Variants in RNF152 observed in about 807,000 individuals in gnomAD.
RNF152 encodes E3 ubiquitin-protein ligase RNF152.
Under a neutral mutation model 12.7 loss-of-function variants are expected in RNF152, and 11 were observed. That is an observed-to-expected ratio of 0.86 (90% CI 0.54 to 1.43). The LOEUF is 1.43. RNF152 is among the 40% of genes most tolerant of loss of function. The probability of loss-of-function intolerance (pLI) is 0.00; values close to 1 mark genes in which losing one functional copy is unlikely to be tolerated. For synonymous variants in RNF152, 113 were observed against 120.3 expected (o/e 0.94, Z 0.40); for missense variants, 255 against 274.8 (o/e 0.93, Z 0.51).
At chr18:61,867,798 T>C (rs1272185912) in intron 1 of RNF152, among the ~76,000 whole-genome samples, 1 of 152,172 alleles carries the variant, frequency 6.6e-6, no homozygotes, top group Non-Finnish European at 1.5e-5. Context: ...ACAGTAATCA[T>C]TTAAAATGTA....
At position 61,820,404 on chromosome 18, in the gene RNF152, AT is replaced by A. The variant is rs1017053166; in HGVS notation, c.-135-3807del. On this transcript the variant is annotated intron_variant, in intron 1 of 1. Coordinates refer to ENST00000312828, the MANE Select transcript of RNF152 (RefSeq NM_173557.3). Reference sequence around the variant, plus strand: ...TATAATTTTATATCCAAGGTAATACATTTTTTTTTCTTAAAACAAAACAAAA... The same window carrying A: ...TATAATTTTATATCCAAGGTAATACATTTTTTTTCTTAAAACAAAACAAAA... 4.7e-5 allele frequency among the ~76,000 whole-genome samples: 7 copies of A among 149,970 alleles called. No individual in the cohort carries two copies. The East Asian group carries it at 5.8e-4, about 12-fold the overall frequency.
intron 1 of RNF152, among the ~76,000 whole-genome samples, chr18:61,844,176 AGAGAGGAAGGAAGGAAG>A (rs781277366): frequency 3.1e-5 from 2 of 64,072 alleles, no homozygotes; most frequent in Non-Finnish European, 9.5e-5. Context: ...GAAGGGAGGA[AGAGAGGAAGGAAGGAAG>A]GGAAGGAGGG....
At chr18:61,830,286 A>G (rs1215703828) in intron 1 of RNF152, among the ~76,000 whole-genome samples, 2 of 152,048 alleles carry the variant, frequency 1.3e-5, no homozygotes, top group Non-Finnish European at 2.9e-5. Context: ...TCGTCCTCCC[A>G]AAGTGCTGGG....
intron 1 of RNF152, among the ~76,000 whole-genome samples, chr18:61,867,133 A>T (rs1441815129): frequency 1.3e-5 from 2 of 152,104 alleles, no homozygotes; most frequent in Admixed American, 6.6e-5. Context: ...AGAGGTGGGA[A>T]CTCAAGAGTT....
rs2144602454 is a variant in RNF152 at position 61,812,981 on chromosome 18, T to A, written c.*2871A>T. ...AGCAAGAAGACACTGCAGTGCGAAG[T>A]TCATATCCCCCCCTTTCTGCAGAAT... On this transcript the variant is annotated 3_prime_UTR_variant, in exon 2 of 2. Transcript: ENST00000312828. 1 of 152,092 alleles carries A rather than the reference T, an allele frequency of 6.6e-6. No homozygotes were observed. Among genetic ancestry groups the A allele is most frequent in the African/African-American group, 2.4e-5 (1 of 41,474 alleles). The allele number at this position is 152,092 out of a possible 1,614,324, so 9.4% of individuals were successfully genotyped here.
chr18:61,881,868 T>G (rs781261831), intron 1 of RNF152, among the ~76,000 whole-genome samples: 13 of 152,256 alleles, frequency 8.5e-5, no homozygotes, highest in Non-Finnish European at 1.8e-4. Flanking sequence ...CATTTTTCCT[T>G]GTTAATTAAC....
chr18:61,834,697 G>A (rs538913573), intron 1 of RNF152, among the ~76,000 whole-genome samples: 1 of 152,212 alleles, frequency 6.6e-6, no homozygotes, highest in South Asian at 2.1e-4. Context: ...AAAAAATTAA[G>A]CATATCTGGC....
chr18:61,847,972 G>C (rs981662073), intron 1 of RNF152, among the ~76,000 whole-genome samples: 1 of 152,000 alleles, frequency 6.6e-6, no homozygotes, highest in Admixed American at 6.6e-5. Context: ...GCTTCCCTTC[G>C]TGTGATTATT....
At chr18:61,848,962 C>T (rs111843195) in intron 1 of RNF152, among the ~76,000 whole-genome samples, 3,034 of 152,244 alleles carry the variant, frequency 0.02, 52 homozygotes, top group Admixed American at 0.037. Flanking sequence ...ACCAATAGCC[C>T]GTGGAGATCC....
intron 1 of RNF152, among the ~76,000 whole-genome samples, chr18:61,867,830 T>C (rs1467026873): frequency 6.6e-6 from 1 of 152,158 alleles, no homozygotes; most frequent in East Asian, 1.9e-4. Context: ...TTAAATCCTA[T>C]AAAATGGCCA....
chr18:61,841,818 C>A (rs1910467648), intron 1 of RNF152, among the ~76,000 whole-genome samples: 1 of 152,196 alleles, frequency 6.6e-6, no homozygotes, highest in South Asian at 2.1e-4. Flanking sequence ...AGTGGCAAGG[C>A]TGTAGAACAT....
chr18:61,841,012 G>A (rs1265282743), intron 1 of RNF152, among the ~76,000 whole-genome samples: 1 of 152,130 alleles, frequency 6.6e-6, no homozygotes, highest in African/African-American at 2.4e-5. Flanking sequence ...AAATTATCTG[G>A]TTCCTACCAC....
chr18:61,864,813 G>A (rs1389912044), intron 1 of RNF152, among the ~76,000 whole-genome samples: 6 of 152,184 alleles, frequency 3.9e-5, no homozygotes. Context: ...ATCACCTGAG[G>A]TCTGAGACCA....
intron 1 of RNF152, among the ~76,000 whole-genome samples, chr18:61,818,756 G>A (rs1183188202): frequency 1.3e-5 from 2 of 152,260 alleles, no homozygotes; most frequent in African/African-American, 2.4e-5. Context: ...AGGAACACAC[G>A]AATATATTTT....
chr18:61,883,436 G>A (rs528860933), intron 1 of RNF152, among the ~76,000 whole-genome samples: 22 of 152,160 alleles, frequency 1.4e-4, no homozygotes, highest in Admixed American at 1.2e-3. Flanking sequence ...TAAATAAAGG[G>A]GTTGACAAGG....
At chr18:61,833,258 A>G (rs759398604) in intron 1 of RNF152, among the ~76,000 whole-genome samples, 1 of 152,264 alleles carries the variant, frequency 6.6e-6, no homozygotes, top group Non-Finnish European at 1.5e-5. Flanking sequence ...ATCAGATTAA[A>G]TTGGTTTATT....
At chr18:61,842,415 C>T (rs1464016910) in intron 1 of RNF152, among the ~76,000 whole-genome samples, 3 of 152,240 alleles carry the variant, frequency 2.0e-5, no homozygotes, top group Admixed American at 2.0e-4. Flanking sequence ...CTTCTGGAGG[C>T]TGCTGTCATT....
intron 1 of RNF152, among the ~76,000 whole-genome samples, chr18:61,844,116 A>AAG (rs774776071): frequency 1.5e-5 from 2 of 137,332 alleles, no homozygotes; most frequent in Non-Finnish European, 1.7e-5. Flanking sequence ...GAAAGAAAGA[A>AAG]AGAAAGAAAG....
chr18:61,837,884 G>A (rs1910260601), intron 1 of RNF152, among the ~76,000 whole-genome samples: 1 of 152,200 alleles, frequency 6.6e-6, no homozygotes, highest in Admixed American at 6.5e-5. Flanking sequence ...AGACTTTGCA[G>A]GGATAGCCCA....
Sources: allele counts gnomAD v4.1 joint callset (sites outside exome capture counted in the v4.1 genomes callset), GRCh38; gene constraint gnomAD v4.1.1; transcripts MANE v1.5; gene names NCBI Gene and HGNC (gene_info 2026-07-23, HGNC 2026-07-21).